ADAMTS12: variants seen among roughly 807,000 people sequenced by gnomAD.
The protein encoded by ADAMTS12 is ADAM metallopeptidase with thrombospondin type 1 motif 12.
Under a neutral mutation model 167.8 loss-of-function variants are expected in ADAMTS12, and 118 were observed. The ratio of observed to expected loss-of-function variants is 0.70; its 90% CI spans 0.61 to 0.82. The LOEUF (loss-of-function observed/expected upper bound fraction) is 0.82, where lower values mean the gene tolerates loss of function less well. ADAMTS12 is among the 40% of genes least tolerant of loss of function. The pLI is 0.00. For missense variants in ADAMTS12, 1,916 were observed against 1,998.8 expected (o/e 0.96, Z 0.79); for synonymous variants, 704 against 716.9 (o/e 0.98, Z 0.29).
At chr5:33,563,012 G>A (rs1407995814) in intron 19 of ADAMTS12, among the ~76,000 whole-genome samples, 1 of 152,000 alleles carries the variant, frequency 6.6e-6, no homozygotes, top group African/African-American at 2.4e-5. Flanking sequence ...AGAGTTCTTA[G>A]GTAGATAATC....
intron 2 of ADAMTS12, among the ~76,000 whole-genome samples, chr5:33,811,972 T>C (rs1462796501): frequency 6.6e-6 from 1 of 152,006 alleles, no homozygotes; most frequent in Admixed American, 6.6e-5. Flanking sequence ...ACATAAACGA[T>C]AGGGAAGCCA....
At chr5:33,649,719 C>T (rs1740806642) in intron 7 of ADAMTS12, 22 bp from the exon 8 acceptor site, 2 of 1,611,500 alleles carry the variant, frequency 1.2e-6, no homozygotes, top group African/African-American at 2.7e-5. Context: ...GAACCAAGCA[C>T]AAGAAGAGCC....
At chr5:33,540,210 G>A (rs185540895) in intron 22 of ADAMTS12, among the ~76,000 whole-genome samples, 28 of 152,344 alleles carry the variant, frequency 1.8e-4, no homozygotes, top group Middle Eastern at 3.4e-3. Flanking sequence ...CATTGCTAGC[G>A]CAGCAGTCTG....
chr5:33,737,216 C>A (rs1022364877), intron 3 of ADAMTS12, among the ~76,000 whole-genome samples: 1 of 152,176 alleles, frequency 6.6e-6, no homozygotes, highest in Non-Finnish European at 1.5e-5. Context: ...GGTTGACAGG[C>A]CCCTGTAAGA....
intron 14 of ADAMTS12, among the ~76,000 whole-genome samples, chr5:33,619,237 G>T (rs1739184956): frequency 6.6e-6 from 1 of 152,136 alleles, no homozygotes; most frequent in African/African-American, 2.4e-5. Flanking sequence ...CCAAAAGACT[G>T]GCAGCTTGTG....
chr5:33,867,372 T>C (rs1353438467), intron 2 of ADAMTS12, among the ~76,000 whole-genome samples: 1 of 152,134 alleles, frequency 6.6e-6, no homozygotes, highest in East Asian at 1.9e-4. Context: ...GAAAACCAAA[T>C]ACTGTATGAC....
chr5:33,649,528 G>A, intron 8 of ADAMTS12, 26 bp downstream of exon 8: 1 of 1,609,986 alleles, frequency 6.2e-7, no homozygotes, highest in East Asian at 2.2e-5. Context: ...ACCCAGGTGA[G>A]GGCGTCATGA....
intron 17 of ADAMTS12, among the ~76,000 whole-genome samples, chr5:33,589,739 T>C (rs74983142): frequency 0.075 from 11,420 of 152,244 alleles, 481 homozygotes; most frequent in Middle Eastern, 0.1. Flanking sequence ...ACTTCTATTT[T>C]TCATGGGAAA....
chr5:33,725,359 T>C (rs1355052277), intron 3 of ADAMTS12, among the ~76,000 whole-genome samples: 1 of 152,164 alleles, frequency 6.6e-6, no homozygotes, highest in Non-Finnish European at 1.5e-5. Flanking sequence ...ATGAAGGGAA[T>C]GCATTGGTGC....
At position 33,527,036 on chromosome 5, in the gene ADAMTS12, G is replaced by T; in HGVS notation, c.*152C>A. 9.9e-7 allele frequency: 1 copy of T among 1,013,458 alleles called. No homozygotes were observed. The highest frequency in any genetic ancestry group is 1.4e-6 in the Non-Finnish European group (1 of 691,236). 62.8% of individuals were successfully genotyped at this position (1,013,458 alleles called of 1,614,324 possible). Reference sequence around the variant, plus strand: ...GGCCTCCTGTGAGGGACATTCGGTGGCTAGAGGAACACAATGGATTTTGTT... The same window carrying T: ...GGCCTCCTGTGAGGGACATTCGGTGTCTAGAGGAACACAATGGATTTTGTT... On this transcript the variant is annotated 3_prime_UTR_variant, in exon 24 of 24. Transcript: ENST00000504830.
chr5:33,768,587 C>T (rs1745629554), intron 2 of ADAMTS12, among the ~76,000 whole-genome samples: 1 of 151,922 alleles, frequency 6.6e-6, no homozygotes, highest in Admixed American at 6.6e-5. Flanking sequence ...ATATATTCAT[C>T]CTGTTTTATA....
intron 3 of ADAMTS12, among the ~76,000 whole-genome samples, chr5:33,690,457 C>T (rs1210039279): frequency 7.1e-6 from 1 of 141,826 alleles, no homozygotes; most frequent in Non-Finnish European, 1.5e-5. Flanking sequence ...AGTATAAGCA[C>T]CTGAAAAAAA....
intron 13 of ADAMTS12, among the ~76,000 whole-genome samples, chr5:33,625,169 A>C (rs978783631): frequency 2.0e-5 from 3 of 152,138 alleles, no homozygotes; most frequent in African/African-American, 7.2e-5. Context: ...ACCCTCTACC[A>C]GCTAAACAGA....
rs753507855 is a variant in ADAMTS12, at chr5:33,595,994, T to C, written c.2594A>G (p.Asp865Gly). The C allele has an allele frequency of 2.5e-5, 41 of 1,613,986 alleles. No homozygotes were observed. Among genetic ancestry groups the C allele is most frequent in the Non-Finnish European group, 3.5e-5 (41 of 1,180,004 alleles). Residue 865 changes from aspartate to glycine, a missense_variant, in exon 17 of 24, where the codon GAC becomes GGC. Physicochemically the swap from Asp to Gly is moderately conservative, Grantham distance 94 (BLOSUM62 -1). Transcript: ENST00000504830. Reference protein sequence around the residue: ...GRGMVKATFCDPETQPNGRQK... With the variant: ...GRGMVKATFCGPETQPNGRQK... ...TCTCCCATTGGGCTGTGTTTCTGGGTCACAGAATGTAGCTTTCACCATCCC... is the reference window on the plus strand; with the variant it reads ...TCTCCCATTGGGCTGTGTTTCTGGGCCACAGAATGTAGCTTTCACCATCCC...
intron 13 of ADAMTS12, among the ~76,000 whole-genome samples, chr5:33,624,985 G>C (rs1182209031): frequency 1.3e-5 from 2 of 152,074 alleles, no homozygotes; most frequent in African/African-American, 4.8e-5. Context: ...CTACTCAAAG[G>C]AAGAATCGTT....
intron 3 of ADAMTS12, among the ~76,000 whole-genome samples, chr5:33,686,563 G>T (rs115169076): frequency 6.6e-6 from 1 of 152,038 alleles, no homozygotes; most frequent in African/African-American, 2.4e-5. Context: ...AGACGCAGAT[G>T]ATGAAGCCCT....
At chr5:33,763,287 G>A (rs752687766) in intron 2 of ADAMTS12, among the ~76,000 whole-genome samples, 1 of 152,102 alleles carries the variant, frequency 6.6e-6, no homozygotes, top group African/African-American at 2.4e-5. Flanking sequence ...TAATCAGAAG[G>A]GCCCTTATAA....
chr5:33,734,187 A>G (rs992284843), intron 3 of ADAMTS12, among the ~76,000 whole-genome samples: 19 of 152,236 alleles, frequency 1.2e-4, no homozygotes, highest in Admixed American at 1.1e-3. Context: ...TTCTAAAAGC[A>G]GGAACGTGTT....
chr5:33,845,977 T>C (rs1748927757), intron 2 of ADAMTS12, among the ~76,000 whole-genome samples: 2 of 152,146 alleles, frequency 1.3e-5, no homozygotes, highest in South Asian at 2.1e-4. Context: ...CAGCTCCCCA[T>C]ACATTAAGGA....
Sources: gnomAD v4.1 joint callset for allele counts (sites outside exome capture counted in the v4.1 genomes callset) on GRCh38, gnomAD v4.1.1 for gene constraint, MANE v1.5 for transcripts, NCBI Gene and HGNC (gene_info 2026-07-23, HGNC 2026-07-21) for gene names.